The following EPHA5 variants were observed in gnomAD, a reference collection of about 807,000 sequenced individuals.
The protein encoded by EPHA5 is EPH receptor A5.
A neutral mutation model predicts 105.0 loss-of-function variants in EPHA5; 60 were observed. The observed-to-expected ratio is 0.57, with a 90% CI of 0.46 to 0.71. The LOEUF (loss-of-function observed/expected upper bound fraction) is 0.71. Among genes scored for constraint, EPHA5 ranks in the 30% least tolerant of loss-of-function variants. The pLI, the probability that EPHA5 is intolerant of heterozygous loss-of-function variation, is 0.00. For synonymous variants in EPHA5, 513 were observed against 449.1 expected (o/e 1.14, Z -1.80); for missense variants, 1,218 against 1,274.7 (o/e 0.96, Z 0.68).
chr4:65,643,575 G>T, intron 1 of EPHA5, 148 bp from the exon 2 acceptor site: 1 of 516,200 alleles, frequency 1.9e-6, no homozygotes, highest in Non-Finnish European at 3.4e-6. Context: ...ATAATTTAAA[G>T]AAAATATATT....
chr4:65,351,253 C>G (rs1722783304), intron 13 of EPHA5, 136 bp downstream of exon 13: 61 of 689,764 alleles, frequency 8.8e-5, no homozygotes, highest in Non-Finnish European at 1.3e-4. Flanking sequence ...TTGATTTTCT[C>G]TCTCCCTCTC....
chr4:65,637,536 T>A (rs1477013712), intron 2 of EPHA5, among the ~76,000 whole-genome samples: 1 of 143,042 alleles, frequency 7.0e-6, no homozygotes, highest in African/African-American at 2.5e-5. Context: ...CTGTTAAAAA[T>A]GAACTCATAT....
chr4:65,636,122 A>C (rs547222711), intron 2 of EPHA5, among the ~76,000 whole-genome samples: 83 of 152,280 alleles, frequency 5.5e-4, no homozygotes, highest in Non-Finnish European at 1.0e-3. Context: ...TTAGTTCTTA[A>C]AGGTTTTGTT....
At chr4:65,501,978 GC>G (rs1732534545) in intron 3 of EPHA5, among the ~76,000 whole-genome samples, 1 of 151,480 alleles carries the variant, frequency 6.6e-6, no homozygotes, top group Non-Finnish European at 1.5e-5. Flanking sequence ...CTTTTACAAA[GC>G]CAACAAAAAT....
At chr4:65,496,307 C>T (rs1412570704) in intron 3 of EPHA5, among the ~76,000 whole-genome samples, 1 of 150,868 alleles carries the variant, frequency 6.6e-6, no homozygotes, top group East Asian at 2.0e-4. Context: ...TATACATGTG[C>T]CATGCTGGTG....
rs201711824 is a variant in EPHA5, at chr4:65,592,504, T to TA, written c.910+9136dup. 6.2e-3 allele frequency among the ~76,000 whole-genome samples: 907 copies of TA among 145,282 alleles called. 4 individuals carry two copies. Among genetic ancestry groups the TA allele is most frequent in the African/African-American group, 0.012 (453 of 39,298 alleles). ...CTACATCCTCAAGAGGACTCCGAGT[T>TA]AAAAAAAAACAAAAAGAAAAAAGAA... is the stretch of plus-strand genomic sequence containing the variant. On this transcript the variant is annotated intron_variant, in intron 3 of 16. Coordinates refer to ENST00000613740, the MANE Select transcript of EPHA5 (RefSeq NM_001281766.3).
At chr4:65,372,986 C>G (rs1437392218) in intron 8 of EPHA5, among the ~76,000 whole-genome samples, 1 of 151,814 alleles carries the variant, frequency 6.6e-6, no homozygotes, top group East Asian at 1.9e-4. Context: ...CTGTTGAATT[C>G]AATTGTAATT....
chr4:65,612,391 T>C (rs1744863129), intron 2 of EPHA5, among the ~76,000 whole-genome samples: 1 of 152,194 alleles, frequency 6.6e-6, no homozygotes, highest in Non-Finnish European at 1.5e-5. Context: ...GAGTACACAT[T>C]ATTTAGCTAC....
At chr4:65,448,694 TAC>T (rs1158629754) in intron 5 of EPHA5, among the ~76,000 whole-genome samples, 14 of 152,130 alleles carry the variant, frequency 9.2e-5, no homozygotes, top group African/African-American at 2.6e-4. Context: ...ACTTTGTACT[TAC>T]AGTTATTTTG....
At chr4:65,347,276 AAT>A (rs1365614900) in intron 14 of EPHA5, among the ~76,000 whole-genome samples, 1 of 152,190 alleles carries the variant, frequency 6.6e-6, no homozygotes, top group African/African-American at 2.4e-5. Flanking sequence ...AAGCACTTAA[AAT>A]AGTGTATGTC....
chr4:65,411,589 T>C (rs529258199), intron 7 of EPHA5, among the ~76,000 whole-genome samples: 1 of 152,082 alleles, frequency 6.6e-6, no homozygotes, highest in African/African-American at 2.4e-5. Flanking sequence ...ACTCTTTAAC[T>C]ATGACTTACC....
intron 11 of EPHA5, among the ~76,000 whole-genome samples, chr4:65,356,715 T>C (rs1397234801): frequency 2.6e-5 from 4 of 151,542 alleles, no homozygotes; most frequent in Non-Finnish European, 4.4e-5. Flanking sequence ...CTTCTTTTGT[T>C]GACAAGAATA....
At chr4:65,353,193 A>C (rs938031239) in intron 11 of EPHA5, 90 bp from the exon 12 acceptor site, 3 of 328,272 alleles carry the variant, frequency 9.1e-6, no homozygotes, top group Non-Finnish European at 1.6e-5. Context: ...TATTAGTGTC[A>C]AAATTGTATA....
At chr4:65,359,617 T>TCCAATTC in intron 11 of EPHA5, among the ~76,000 whole-genome samples, 1 of 151,558 alleles carries the variant, frequency 6.6e-6, no homozygotes, top group African/African-American at 2.4e-5. Flanking sequence ...CTTTTTCTCA[T>TCCAATTC]ACTTCACATC....
chr4:65,608,507 AAAAAAAAG>A (rs1376900689), intron 2 of EPHA5, among the ~76,000 whole-genome samples: 2 of 152,060 alleles, frequency 1.3e-5, no homozygotes, highest in African/African-American at 2.4e-5. Flanking sequence ...CCATCTCAAA[AAAAAAAAG>A]AAAAAAAGAA....
intron 3 of EPHA5, among the ~76,000 whole-genome samples, chr4:65,584,217 C>A (rs552753619): frequency 6.6e-6 from 1 of 151,766 alleles, no homozygotes; most frequent in Admixed American, 6.6e-5. Flanking sequence ...AACAGAAACT[C>A]ATCAATTTCT....
At chr4:65,640,275 G>GTTTTT (rs36189833) in intron 2 of EPHA5, among the ~76,000 whole-genome samples, 2 of 130,180 alleles carry the variant, frequency 1.5e-5, no homozygotes, top group African/African-American at 2.8e-5. Flanking sequence ...TCATTGCTCA[G>GTTTTT]TTTTTTCTTT....
In EPHA5 at chr4:65,324,939, A is replaced by G. The variant is rs190842233; in HGVS notation, c.2946-720T>C. Among the ~76,000 whole-genome samples, 352 of 151,384 alleles carry G rather than the reference A, an allele frequency of 2.3e-3. 2 individuals are homozygous for G. The highest frequency in any genetic ancestry group is 3.4e-3 in the Non-Finnish European group (233 of 67,558). On this transcript the variant is annotated intron_variant, in intron 16 of 16. Transcript: ENST00000613740. ...AATTTACAAATATTTAGATTTCTAA[A>G]CTAACAACATATTATGGAGCTCAAG... is the stretch of plus-strand genomic sequence containing the variant.
At chr4:65,485,164 A>G (rs558893397) in intron 5 of EPHA5, among the ~76,000 whole-genome samples, 39 of 151,958 alleles carry the variant, frequency 2.6e-4, no homozygotes, top group African/African-American at 8.9e-4. Context: ...TTGCATATCT[A>G]CTATTATATC....
Sources: allele counts gnomAD v4.1 joint callset (sites outside exome capture counted in the v4.1 genomes callset), GRCh38; gene constraint gnomAD v4.1.1; transcripts MANE v1.5; gene names NCBI Gene and HGNC (gene_info 2026-07-23, HGNC 2026-07-21).